Variants in RGMA observed in about 807,000 individuals in gnomAD.
The protein encoded by RGMA is repulsive guidance molecule A.
Under a neutral mutation model 23.2 loss-of-function variants are expected in RGMA, and 10 were observed. The ratio of observed to expected loss-of-function variants is 0.43; its 90% CI spans 0.27 to 0.73. The LOEUF (loss-of-function observed/expected upper bound fraction) is 0.73. RGMA is among the 30% of genes least tolerant of loss of function. The pLI is 0.20. For missense variants in RGMA, 547 were observed against 630.5 expected (o/e 0.87, Z 1.42); for synonymous variants, 308 against 279.3 (o/e 1.10, Z -1.03).
chr15:93,073,064 T>G, intron 1 of RGMA, 33 bp from the exon 2 acceptor site: 1 of 1,513,268 alleles, frequency 6.6e-7, no homozygotes, highest in Non-Finnish European at 8.9e-7. Context: ...AAGAAGAAAA[T>G]AAATCACGCT....
At chr15:93,071,060 G>C (rs1005075068) in intron 2 of RGMA, among the ~76,000 whole-genome samples, 1 of 152,138 alleles carries the variant, frequency 6.6e-6, no homozygotes, top group African/African-American at 2.4e-5. Flanking sequence ...CTTTAAGAGC[G>C]GGAAGGTGTT....
At chr15:93,061,329 T>C (rs1401282218) in intron 2 of RGMA, among the ~76,000 whole-genome samples, 1 of 152,164 alleles carries the variant, frequency 6.6e-6, no homozygotes, top group East Asian at 1.9e-4. Flanking sequence ...AATTTTTATT[T>C]CAGTAGAGAT....
intron 2 of RGMA, among the ~76,000 whole-genome samples, chr15:93,055,992 T>C (rs978438279): frequency 2.6e-5 from 4 of 152,192 alleles, no homozygotes; most frequent in African/African-American, 9.6e-5. Flanking sequence ...GAGGGGTCCC[T>C]CGCATGCTCC....
At chr15:93,046,563 A>G (rs574382527) in intron 3 of RGMA, among the ~76,000 whole-genome samples, 175 of 152,310 alleles carry the variant, frequency 1.1e-3, no homozygotes, top group African/African-American at 4.0e-3. Flanking sequence ...CTGGAGCACA[A>G]TTCCTGACAA....
intron 1 of RGMA, among the ~76,000 whole-genome samples, chr15:93,081,804 A>C (rs1044322538): frequency 6.6e-6 from 1 of 152,260 alleles, no homozygotes; most frequent in African/African-American, 2.4e-5. Flanking sequence ...CAAAGCTGAA[A>C]TAGAGACAAT....
In RGMA at chr15:93,052,596, C is replaced by CAT. The variant is rs1235176484; in HGVS notation, c.131-91_131-90dup. On this transcript the variant is annotated intron_variant, in intron 2 of 3. Transcript: ENST00000329082. ...TCTGTGGGCCAGGGGAGCAGCCACA[C>CAT]ATCGCCTCATCTAGGGCAGAGCCAC... The CAT allele has an allele frequency of 2.2e-6, 3 of 1,365,304 alleles. No homozygotes were observed. In the African/African-American group the frequency reaches 4.4e-5, roughly 20 times the overall value. The allele number at this position is 1,365,304 out of a possible 1,614,324, so 84.6% of individuals were successfully genotyped here. A position where few individuals can be genotyped will look rare whatever the true frequency, so the allele number is the denominator to read the frequency against.
intron 2 of RGMA, among the ~76,000 whole-genome samples, chr15:93,058,892 G>A (rs150078649): frequency 0.012 from 1,810 of 152,276 alleles, 16 homozygotes; most frequent in African/African-American, 0.016. Flanking sequence ...GACTGCATAG[G>A]GAGGTTGGGT....
At chr15:93,058,255 G>A (rs952934296) in intron 2 of RGMA, among the ~76,000 whole-genome samples, 1 of 152,188 alleles carries the variant, frequency 6.6e-6, no homozygotes, top group Non-Finnish European at 1.5e-5. Flanking sequence ...CCAGTGGGAG[G>A]GTCTCACCGC....
At chr15:93,086,968 TC>T (rs1315451442) in intron 1 of RGMA, among the ~76,000 whole-genome samples, 3 of 152,192 alleles carry the variant, frequency 2.0e-5, no homozygotes, top group Non-Finnish European at 4.4e-5. Flanking sequence ...GTCACAAGTC[TC>T]ATGATGACAT....
At chr15:93,073,302 G>T in intron 1 of RGMA, 2 of 534,156 alleles carry the variant, frequency 3.7e-6, no homozygotes, top group South Asian at 8.1e-5. Flanking sequence ...CGAGGTAGCC[G>T]GAGGCGGCCG....
At chr15:93,076,894 T>C (rs1393057520) in intron 1 of RGMA, among the ~76,000 whole-genome samples, 5 of 152,100 alleles carry the variant, frequency 3.3e-5, no homozygotes, top group African/African-American at 9.7e-5. Context: ...ACAGATTACT[T>C]AACAATCACT....
rs144416634 is a variant in RGMA, at chr15:93,074,138, C to T, written c.15-1107G>A. The T allele has an allele frequency of 5.2e-5, 33 of 636,874 alleles. No homozygotes were observed. The African/African-American group carries it at 5.5e-4, about 11-fold the overall frequency. The allele number at this position is 636,874 out of a possible 1,614,324, so 39.5% of individuals were successfully genotyped here. The stretch of plus-strand genomic sequence containing the variant: ...ATCTTTTGGATGAAACACAAATAGT[C>T]CTGAGCAAGTGTTCTTAGTCAAACC... On this transcript the variant is annotated intron_variant, in intron 1 of 3. Coordinates refer to ENST00000329082, the MANE Select transcript of RGMA (RefSeq NM_020211.3).
chr15:93,041,769 A>C lies in RGMA; in HGVS notation c.*3229T>G, dbSNP rs1224090376. On this transcript the variant is annotated 3_prime_UTR_variant, in exon 4 of 4. Coordinates refer to ENST00000329082, the MANE Select transcript of RGMA (RefSeq NM_020211.3). ...GTGACGGTTCCGGCCGCCAGGGAAGATGCTGGGTACGTTTTGTCCTTTCCA... is the reference window on the plus strand; with the variant it reads ...GTGACGGTTCCGGCCGCCAGGGAAGCTGCTGGGTACGTTTTGTCCTTTCCA... The C allele has an allele frequency of 6.6e-6, 1 of 152,304 alleles. No homozygotes were observed. Among genetic ancestry groups the C allele is most frequent in the Non-Finnish European group, 1.5e-5 (1 of 68,158 alleles). 9.4% of individuals were successfully genotyped at this position (152,304 alleles called of 1,614,324 possible).
chr15:93,044,803 C>T lies in RGMA; in HGVS notation c.*195G>A. The T allele has an allele frequency of 1.7e-6, 1 of 600,522 alleles. No individual in the cohort carries two copies. The highest frequency in any genetic ancestry group is 3.0e-6 in the Non-Finnish European group (1 of 337,564). 37.2% of individuals were successfully genotyped at this position (600,522 alleles called of 1,614,324 possible). A position where few individuals can be genotyped will look rare whatever the true frequency, so the allele number is the denominator to read the frequency against. Reference sequence around the variant, plus strand: ...ACAGCTCTACTGTCAAACATCATGGCACCAGTCACCACAACCTTGTCACGT... The same window carrying T: ...ACAGCTCTACTGTCAAACATCATGGTACCAGTCACCACAACCTTGTCACGT... On this transcript the variant is annotated 3_prime_UTR_variant, in exon 4 of 4. Transcript: ENST00000329082.
intron 2 of RGMA, among the ~76,000 whole-genome samples, chr15:93,064,556 G>A (rs947023149): frequency 3.9e-5 from 6 of 152,200 alleles, no homozygotes; most frequent in Non-Finnish European, 8.8e-5. Context: ...CCAGGCTCCT[G>A]CCCAGCCTGC....
chr15:93,087,464 CAAA>C (rs60714695), intron 1 of RGMA, among the ~76,000 whole-genome samples: 6 of 74,522 alleles, frequency 8.1e-5, no homozygotes, highest in Admixed American at 5.6e-4. Flanking sequence ...TTTGTATGTG[CAAA>C]AAAAAAAAAA....
At position 93,036,705 on chromosome 15, in the gene RGMA, G is replaced by C. The variant is rs1485891305; in HGVS notation, c.*8293C>G. On this transcript the variant is annotated 3_prime_UTR_variant, in exon 4 of 4. Coordinates refer to ENST00000329082, the MANE Select transcript of RGMA (RefSeq NM_020211.3). Reference sequence around the variant, plus strand: ...CACGAGCATGCCTTGAACACAGGCTGCCTGTGCCCCCTGGAGCGCCCCGCC... The same window carrying C: ...CACGAGCATGCCTTGAACACAGGCTCCCTGTGCCCCCTGGAGCGCCCCGCC... The C allele has an allele frequency of 6.6e-6, 1 of 152,336 alleles. No individual in the cohort carries two copies. The highest frequency in any genetic ancestry group is 1.5e-5 in the Non-Finnish European group (1 of 68,138). 9.4% of individuals were successfully genotyped at this position (152,336 alleles called of 1,614,324 possible). A position where few individuals can be genotyped will look rare whatever the true frequency, so the allele number is the denominator to read the frequency against.
At position 93,041,754 on chromosome 15, in the gene RGMA, C is replaced by A. The variant is rs143606334; in HGVS notation, c.*3244G>T. Reference sequence around the variant, plus strand: ...GGCACGGGGCCTGTAGTGACGGTTCCGGCCGCCAGGGAAGATGCTGGGTAC... The same window carrying A: ...GGCACGGGGCCTGTAGTGACGGTTCAGGCCGCCAGGGAAGATGCTGGGTAC... On this transcript the variant is annotated 3_prime_UTR_variant, in exon 4 of 4. Coordinates refer to ENST00000329082, the MANE Select transcript of RGMA (RefSeq NM_020211.3). 1 of 152,282 alleles carries A rather than the reference C, an allele frequency of 6.6e-6. No homozygotes were observed. The highest frequency in any genetic ancestry group is 1.5e-5 in the Non-Finnish European group (1 of 68,122). 9.4% of individuals were successfully genotyped at this position (152,282 alleles called of 1,614,324 possible). A position where few individuals can be genotyped will look rare whatever the true frequency, so the allele number is the denominator to read the frequency against.
At chr15:93,082,622 C>A (rs1312488414) in intron 1 of RGMA, among the ~76,000 whole-genome samples, 1 of 152,104 alleles carries the variant, frequency 6.6e-6, no homozygotes, top group African/African-American at 2.4e-5. Flanking sequence ...ACGGCTCATG[C>A]ATTAGAAAGG....
Sources: gnomAD v4.1 joint callset for allele counts (sites outside exome capture counted in the v4.1 genomes callset) on GRCh38, gnomAD v4.1.1 for gene constraint, MANE v1.5 for transcripts, NCBI Gene and HGNC (gene_info 2026-07-23, HGNC 2026-07-21) for gene names.